SLCO1A2: variants seen among roughly 807,000 people sequenced by gnomAD.
SLCO1A2 encodes the protein solute carrier organic anion transporter family member 1A2, also known as OATP-1.
SLCO1A2 carries 67 observed loss-of-function variants against 69.0 expected under a neutral mutation model. The observed-to-expected ratio is 0.97, with a 90% CI of 0.80 to 1.19. The LOEUF (loss-of-function observed/expected upper bound fraction) is 1.19, where lower values mean the gene tolerates loss of function less well. SLCO1A2 is among the 50% of genes most tolerant of loss of function. SLCO1A2 has a pLI of 0.00. For missense variants in SLCO1A2, 787 were observed against 793.7 expected (o/e 0.99, Z 0.10); for synonymous variants, 260 against 265.9 (o/e 0.98, Z 0.22).
At chr12:21,309,677 T>G (rs1259370839) in intron 4 of SLCO1A2, among the ~76,000 whole-genome samples, 2 of 152,170 alleles carry the variant, frequency 1.3e-5, no homozygotes, top group Non-Finnish European at 2.9e-5. Context: ...CTTGGAAAGC[T>G]ACTAGATTAT....
intron 1 of SLCO1A2, among the ~76,000 whole-genome samples, chr12:21,405,747 C>T (rs1941813767): frequency 6.6e-6 from 1 of 152,134 alleles, no homozygotes. Flanking sequence ...ACACCTTATA[C>T]AAAAATTAAC....
chr12:21,362,937 A>G (rs927665832), intron 2 of SLCO1A2, among the ~76,000 whole-genome samples: 2 of 152,184 alleles, frequency 1.3e-5, no homozygotes, highest in African/African-American at 4.8e-5. Context: ...CTCCCACACA[A>G]TAATAATGGG....
At chr12:21,292,912 A>G (rs1335646084) in intron 11 of SLCO1A2, among the ~76,000 whole-genome samples, 1 of 152,224 alleles carries the variant, frequency 6.6e-6, no homozygotes, top group African/African-American at 2.4e-5. Context: ...TTTTTAAAAC[A>G]GTGTTTTGAT....
At chr12:21,289,644 A>G (rs1460674820) in intron 12 of SLCO1A2, among the ~76,000 whole-genome samples, 2 of 152,096 alleles carry the variant, frequency 1.3e-5, no homozygotes, top group Non-Finnish European at 1.5e-5. Flanking sequence ...TAACCTTCAT[A>G]ATAAACCAGT....
intron 2 of SLCO1A2, among the ~76,000 whole-genome samples, chr12:21,364,576 G>C (rs1213372490): frequency 6.6e-6 from 1 of 152,074 alleles, no homozygotes; most frequent in Non-Finnish European, 1.5e-5. Flanking sequence ...AGAAATAAAG[G>C]GTATTCAATT....
intron 2 of SLCO1A2, among the ~76,000 whole-genome samples, chr12:21,322,759 C>G (rs1041641807): frequency 6.6e-6 from 1 of 152,150 alleles, no homozygotes; most frequent in Non-Finnish European, 1.5e-5. Context: ...TGGCCCACCC[C>G]TCCTTCCCAT....
At chr12:21,378,497 T>C (rs1423565846) in intron 1 of SLCO1A2, 4 of 1,236,778 alleles carry the variant, frequency 3.2e-6, no homozygotes, top group Non-Finnish European at 4.8e-6. Context: ...AGTGCCCTTT[T>C]CATCTCCAGT....
At chr12:21,379,874 G>T (rs576562434) in intron 1 of SLCO1A2, 60 of 152,262 alleles carry the variant, frequency 3.9e-4, no homozygotes, top group African/African-American at 1.4e-3. Flanking sequence ...GTTGGTGGTG[G>T]TAAGTGGTAG....
At chr12:21,363,536 A>C (rs536773317) in intron 2 of SLCO1A2, among the ~76,000 whole-genome samples, 1 of 152,338 alleles carries the variant, frequency 6.6e-6, no homozygotes, top group African/African-American at 2.4e-5. Flanking sequence ...GGCAAGAAAT[A>C]ACTAAGATCA....
At chr12:21,270,662 A>T (rs1942638649) in intron 14 of SLCO1A2, among the ~76,000 whole-genome samples, 1 of 151,668 alleles carries the variant, frequency 6.6e-6, no homozygotes, top group Non-Finnish European at 1.5e-5. Flanking sequence ...TTACATTTTT[A>T]AGTAACTATA....
At chr12:21,378,073 A>G (rs940380781) in intron 1 of SLCO1A2, among the ~76,000 whole-genome samples, 14 of 151,996 alleles carry the variant, frequency 9.2e-5, no homozygotes, top group African/African-American at 3.4e-4. Context: ...CAAGGTGTCA[A>G]AAAAAAATCT....
intron 1 of SLCO1A2, among the ~76,000 whole-genome samples, chr12:21,385,401 TGA>T (rs951837230): frequency 7.2e-5 from 11 of 152,244 alleles, no homozygotes; most frequent in African/African-American, 2.4e-4. Flanking sequence ...GCTTTTCAGT[TGA>T]AGAATCTCTC....
chr12:21,292,531 A>T (rs886155985), intron 11 of SLCO1A2, among the ~76,000 whole-genome samples, 195 bp from the exon 12 acceptor site: 3 of 152,164 alleles, frequency 2.0e-5, no homozygotes, highest in Non-Finnish European at 2.9e-5. Context: ...ATTTTTCTAA[A>T]TATGAATAGT....
intron 2 of SLCO1A2, among the ~76,000 whole-genome samples, chr12:21,366,480 C>A (rs144832548): frequency 6.6e-6 from 1 of 151,928 alleles, no homozygotes; most frequent in Non-Finnish European, 1.5e-5. Context: ...ACCAACATGG[C>A]GCACGTATTC....
chr12:21,272,151 CTTTTT>C (rs1246384788), intron 14 of SLCO1A2, among the ~76,000 whole-genome samples: 2 of 151,188 alleles, frequency 1.3e-5, no homozygotes, highest in African/African-American at 4.8e-5. Flanking sequence ...GGTATCAATA[CTTTTT>C]TTTAACTTTT....
chr12:21,404,407 C>T (rs1227264647), intron 1 of SLCO1A2, among the ~76,000 whole-genome samples: 2 of 152,076 alleles, frequency 1.3e-5, no homozygotes, highest in Admixed American at 1.3e-4. Context: ...CCCTGACAGG[C>T]TCAAGTTTGT....
At chr12:21,319,286 G>T (rs888872649) in intron 2 of SLCO1A2, 2 of 1,278,242 alleles carry the variant, frequency 1.6e-6, no homozygotes, top group African/African-American at 1.5e-5. Context: ...GTAATGAAAA[G>T]AAAGAATGCA....
chr12:21,357,025 C>G (rs1938421224), intron 2 of SLCO1A2, among the ~76,000 whole-genome samples: 1 of 151,626 alleles, frequency 6.6e-6, no homozygotes, highest in Non-Finnish European at 1.5e-5. Flanking sequence ...AATAATTTCA[C>G]TGAGAAAGAT....
upstream of SLCO1A2, among the ~76,000 whole-genome samples, chr12:21,398,930 CA>C (rs1265607424): frequency 1.3e-5 from 2 of 150,660 alleles, no homozygotes; most frequent in African/African-American, 2.4e-5. Flanking sequence ...ACTGAATGGA[CA>C]AAAACTGGAA....
Sources: allele counts gnomAD v4.1 joint callset (sites outside exome capture counted in the v4.1 genomes callset), GRCh38; gene constraint gnomAD v4.1.1; transcripts MANE v1.5; gene names NCBI Gene and HGNC (gene_info 2026-07-23, HGNC 2026-07-21).